The following GAS7 variants were observed in gnomAD, a reference collection of about 807,000 sequenced individuals.
GAS7 encodes growth arrest-specific protein 7.
In GAS7, 28 loss-of-function variants were observed where a neutral mutation model predicts 71.1. The ratio of observed to expected loss-of-function variants is 0.39; its 90% CI spans 0.29 to 0.54. GAS7 has a LOEUF of 0.54. GAS7 is among the 20% of genes least tolerant of loss of function. The pLI, the probability that GAS7 is intolerant of heterozygous loss-of-function variation, is 0.62. For missense variants in GAS7, 436 were observed against 627.8 expected, an observed-to-expected ratio of 0.69 and a Z score of 3.27; for synonymous variants, 258 against 245.8, an observed-to-expected ratio of 1.05 and a Z score of -0.46.
At position 9,954,467 on chromosome 17, in the gene GAS7, G is replaced by A. The variant is rs558344372; in HGVS notation, c.525+4735C>T. Among the ~76,000 whole-genome samples the A allele has an allele frequency of 9.3e-4, 4 of 4,306 alleles. No homozygotes were observed. In the East Asian group the frequency reaches 0.03, roughly 33 times the overall value. 2.8% of individuals were successfully genotyped at this position (4,306 alleles called of 152,430 possible). ...GCCATCAGGGCAGTCTGCAGTGATG[G>A]GGGATGGGGGGTGGGGGGTGGGGGG... On this transcript the variant is annotated intron_variant, in intron 5 of 13. Coordinates refer to ENST00000432992, the MANE Select transcript of GAS7 (RefSeq NM_201433.2).
At chr17:10,064,328 C>T (rs969268200) in intron 1 of GAS7, among the ~76,000 whole-genome samples, 1 of 152,234 alleles carries the variant, frequency 6.6e-6, no homozygotes, top group Middle Eastern at 3.2e-3. Flanking sequence ...CTGTGACCTA[C>T]AAAGCACAGC....
chr17:10,150,248 G>T (rs190897130), intron 1 of GAS7, among the ~76,000 whole-genome samples: 155 of 152,308 alleles, frequency 1.0e-3, no homozygotes, highest in African/African-American at 3.5e-3. Flanking sequence ...AAGTGTGGTT[G>T]TGACATTTAC....
chr17:10,146,001 T>C (rs1015366555), intron 1 of GAS7, among the ~76,000 whole-genome samples: 2 of 152,152 alleles, frequency 1.3e-5, no homozygotes, highest in African/African-American at 4.8e-5. Context: ...ACCCTTGTCA[T>C]GGATCAGGTC....
chr17:10,093,573 A>AAT (rs1555532463), intron 1 of GAS7, among the ~76,000 whole-genome samples: 1 of 150,686 alleles, frequency 6.6e-6, no homozygotes, highest in African/African-American at 2.4e-5. Flanking sequence ...AAAAAAAAAA[A>AAT]GCTGAAAAGC....
In GAS7 at chr17:10,102,205, TAAAAAAAAA is replaced by T. The variant is rs34961542; in HGVS notation, c.184-82317_184-82309del. 7.1e-5 allele frequency among the ~76,000 whole-genome samples: 5 copies of T among 70,272 alleles called. No individual in the cohort carries two copies. In the Admixed American group the frequency reaches 7.3e-4, roughly 10 times the overall value. The allele number at this position is 70,272 out of a possible 152,430, so 46.1% of individuals were successfully genotyped here. A position where few individuals can be genotyped will look rare whatever the true frequency, so the allele number is the denominator to read the frequency against. On this transcript the variant is annotated intron_variant, in intron 1 of 13. Transcript: ENST00000432992. ...GAAGGAAGAAAAGAAAGAGTGCCCG[TAAAAAAAAA>T]AAAAAAAAAAAAAAAAAGAATCTTC...
chr17:10,179,175 C>CAA (rs2074395838), intron 1 of GAS7, among the ~76,000 whole-genome samples: 1 of 151,900 alleles, frequency 6.6e-6, no homozygotes, highest in African/African-American at 2.4e-5. Flanking sequence ...ACTAAAAATA[C>CAA]AAAATTAGCC....
intron 1 of GAS7, chr17:10,027,219 G>A (rs2072486195): frequency 2.1e-5 from 3 of 144,256 alleles, no homozygotes; most frequent in African/African-American, 7.9e-5. Context: ...ACAGTGCCCA[G>A]AACAATGAAT....
chr17:10,172,857 G>A (rs1305260350), intron 1 of GAS7, among the ~76,000 whole-genome samples: 1 of 152,236 alleles, frequency 6.6e-6, no homozygotes, highest in Admixed American at 6.5e-5. Flanking sequence ...TTCAGCATCT[G>A]GAGGCAGAAC....
intron 2 of GAS7, among the ~76,000 whole-genome samples, chr17:9,997,251 G>A (rs1441624129): frequency 4.7e-5 from 7 of 150,156 alleles, no homozygotes; most frequent in Non-Finnish European, 8.9e-5. Flanking sequence ...GGCGGGTGGG[G>A]GCGGGGGCGG....
chr17:10,013,634 T>C (rs764623343), intron 2 of GAS7, among the ~76,000 whole-genome samples: 7 of 152,240 alleles, frequency 4.6e-5, no homozygotes, highest in Non-Finnish European at 1.0e-4. Flanking sequence ...ACGGCATTAC[T>C]GCATTAACCA....
chr17:10,052,589 C>T (rs535574976), intron 1 of GAS7, among the ~76,000 whole-genome samples: 1 of 152,300 alleles, frequency 6.6e-6, no homozygotes, highest in Admixed American at 6.5e-5. Context: ...GCTGGGAGTC[C>T]CAGAAGGCAC....
intron 1 of GAS7, among the ~76,000 whole-genome samples, chr17:10,046,843 A>AGGAG (rs1491160522): frequency 7.8e-6 from 1 of 128,488 alleles, no homozygotes; most frequent in Non-Finnish European, 1.7e-5. Flanking sequence ...GAAGGAAGGA[A>AGGAG]GGAAAGAAAA....
At chr17:10,139,645 T>C (rs977993632) in intron 1 of GAS7, among the ~76,000 whole-genome samples, 9 of 152,236 alleles carry the variant, frequency 5.9e-5, no homozygotes, top group Non-Finnish European at 1.2e-4. Flanking sequence ...TCTAGCAATG[T>C]GATGGCTTTC....
At chr17:10,194,229 A>T (rs3935628) in intron 1 of GAS7, among the ~76,000 whole-genome samples, 40,648 of 152,140 alleles carry the variant, frequency 0.27, 5,524 homozygotes, top group African/African-American at 0.34. Flanking sequence ...ACCTAGTTCA[A>T]AGAAAGCTCT....
chr17:10,034,373 A>G lies in GAS7; in HGVS notation c.184-14476T>C, dbSNP rs186616599. ...ACCCAGGCTGGAGTGCAGTGGCGTG[A>G]TCTCGGCTCACTGCAACCTAAGCCT... On this transcript the variant is annotated intron_variant, in intron 1 of 13. Transcript: ENST00000432992. This position sits in a 1 kb window ranked among gnomAD's most constrained non-coding sequence, Gnocchi z 4.4. 142 of 250,948 alleles carry G rather than the reference A, an allele frequency of 5.7e-4. No individual in the cohort carries two copies. Among genetic ancestry groups the G allele is most frequent in the African/African-American group, 3.2e-3 (134 of 42,310 alleles). 15.5% of individuals were successfully genotyped at this position (250,948 alleles called of 1,614,324 possible). A position where few individuals can be genotyped will look rare whatever the true frequency, so the allele number is the denominator to read the frequency against.
At chr17:10,121,026 T>A (rs551874061) in intron 1 of GAS7, among the ~76,000 whole-genome samples, 18 of 152,306 alleles carry the variant, frequency 1.2e-4, no homozygotes, top group South Asian at 1.0e-3. Context: ...CGGTCCTCCA[T>A]CTCCTCTCTA....
At chr17:10,099,000 G>A (rs2073671619) in intron 1 of GAS7, among the ~76,000 whole-genome samples, 1 of 152,190 alleles carries the variant, frequency 6.6e-6, no homozygotes, top group South Asian at 2.1e-4. Context: ...CAGGTTAGAT[G>A]AAGGGCAGAG....
chr17:10,131,150 C>T (rs1027432071), intron 1 of GAS7, among the ~76,000 whole-genome samples: 5 of 152,340 alleles, frequency 3.3e-5, no homozygotes, highest in African/African-American at 1.2e-4. Context: ...TTTCTTCCTC[C>T]CCAGCGTGCC....
chr17:9,910,887 G>C lies in GAS7; in HGVS notation c.*6341C>G. On this transcript the variant is annotated 3_prime_UTR_variant, in exon 14 of 14. Transcript: ENST00000432992. ...ATGTGGAGGAAACACATTCATACCG[G>C]GGTGAGGAGTGCTGGCGGGAGACAC... 2 of 229,730 alleles carry C rather than the reference G, an allele frequency of 8.7e-6. No individual in the cohort carries two copies. Among genetic ancestry groups the C allele is most frequent in the Non-Finnish European group, 1.7e-5 (2 of 115,594 alleles). The allele number at this position is 229,730 out of a possible 1,614,324, so 14.2% of individuals were successfully genotyped here. A position where few individuals can be genotyped will look rare whatever the true frequency, so the allele number is the denominator to read the frequency against.
Sources: allele counts gnomAD v4.1 joint callset (sites outside exome capture counted in the v4.1 genomes callset), GRCh38; gene constraint gnomAD v4.1.1; non-coding constraint Gnocchi (gnomAD v3.1); transcripts MANE v1.5; gene names NCBI Gene and HGNC (gene_info 2026-07-23, HGNC 2026-07-21).